Variants in PLG observed in about 807,000 individuals in gnomAD.
The protein encoded by PLG is plasmin.
PLG carries 41 observed loss-of-function variants against 104.4 expected under a neutral mutation model. The observed-to-expected ratio is 0.39, with a 90% CI of 0.31 to 0.51. The LOEUF (loss-of-function observed/expected upper bound fraction) is 0.51. Ranked by LOEUF, PLG falls within the 20% of genes least tolerant of loss-of-function variation. The pLI is 0.76. For missense variants in PLG, 891 were observed against 1,003.6 expected (o/e 0.89, Z 1.52); for synonymous variants, 337 against 357.1 (o/e 0.94, Z 0.63).
chr6:160,727,014 T>G (rs1582942100), intron 10 of PLG, among the ~76,000 whole-genome samples: 1 of 151,958 alleles, frequency 6.6e-6, no homozygotes, highest in South Asian at 2.1e-4. Context: ...GAAAGATTCA[T>G]GTAATTGATA....
intron 12 of PLG, among the ~76,000 whole-genome samples, chr6:160,733,263 A>G (rs1463940549): frequency 1.3e-5 from 2 of 152,196 alleles, no homozygotes; most frequent in Non-Finnish European, 2.9e-5. Context: ...ATGGAAATAA[A>G]TGTTTCTGAA....
chr6:160,724,921 G>A lies in PLG; in HGVS notation c.1256+2354G>A, dbSNP rs771965105. On this transcript the variant is annotated intron_variant, in intron 10 of 18. Transcript: ENST00000308192. This position sits in a 1 kb window ranked among gnomAD's most constrained non-coding sequence, Gnocchi z 5.0. ...TAAGTAATGAAGAACCCTGGAAATG[G>A]CAAATGTAAAAGATTCATATTTAAT... is the stretch of plus-strand genomic sequence containing the variant. Among the ~76,000 whole-genome samples the A allele has an allele frequency of 6.6e-6, 1 of 152,266 alleles. No homozygotes were observed. The highest frequency in any genetic ancestry group is 2.1e-4 in the South Asian group (1 of 4,822).
At chr6:160,718,582 T>A in intron 8 of PLG, 111 bp from the exon 9 acceptor site, 1 of 1,373,130 alleles carries the variant, frequency 7.3e-7, no homozygotes, top group Non-Finnish European at 1.0e-6. Flanking sequence ...TAGTCATAAG[T>A]AAAGGAAATG....
At chr6:160,706,000 T>A (rs1777514325) in intron 1 of PLG, 1 of 218,608 alleles carries the variant, frequency 4.6e-6, no homozygotes, top group Non-Finnish European at 9.2e-6. Context: ...CTAATGAAAC[T>A]GTTTTTCTTT....
At position 160,740,127 on chromosome 6, in the gene PLG, G is replaced by A. The variant is rs1022543496; in HGVS notation, c.2018+919G>A. 6.6e-6 allele frequency among the ~76,000 whole-genome samples: 1 copy of A among 152,178 alleles called. No individual in the cohort carries two copies. On this transcript the variant is annotated intron_variant, in intron 16 of 18. Transcript: ENST00000308192. This position sits in a 1 kb window ranked among gnomAD's most constrained non-coding sequence, Gnocchi z 5.2. ...GAGCATGGCCTGGATGAGAAGGCAC[G>A]GGGCAGGAGCCTGAGCTGCTCTCCT...
rs899923797 is a variant in PLG, at chr6:160,741,082, T to C, written c.2019-229T>C. Reference sequence around the variant, plus strand: ...TCAAAGGTGAAGGCCACCAGCAGTATCTTGCATGCAACTGATGCCTTTCAA... The same window carrying C: ...TCAAAGGTGAAGGCCACCAGCAGTACCTTGCATGCAACTGATGCCTTTCAA... On this transcript the variant is annotated intron_variant, in intron 16 of 18. Transcript: ENST00000308192. This position sits in a 1 kb window ranked among gnomAD's most constrained non-coding sequence, Gnocchi z 4.7. Among the ~76,000 whole-genome samples, 2 of 152,214 alleles carry C rather than the reference T, an allele frequency of 1.3e-5. No homozygotes were observed. The highest frequency in any genetic ancestry group is 2.9e-5 in the Non-Finnish European group (2 of 68,030).
intron 10 of PLG, among the ~76,000 whole-genome samples, chr6:160,729,444 C>T (rs1777964973): frequency 6.6e-6 from 1 of 152,156 alleles, no homozygotes; most frequent in Admixed American, 6.5e-5. Context: ...TTCACAGCAG[C>T]TCTAGTTATT....
intron 10 of PLG, among the ~76,000 whole-genome samples, chr6:160,728,255 G>T (rs1351958000): frequency 2.5e-4 from 2 of 7,906 alleles, no homozygotes; most frequent in Admixed American, 1.8e-3. Flanking sequence ...ATATGCACAA[G>T]AATTATGTAC....
rs377537611 is a variant in PLG, at chr6:160,714,904, A to T, written c.658A>T (p.Ile220Phe). 6.2e-7 allele frequency: 1 copy of T among 1,613,848 alleles called. No homozygotes were observed. The highest frequency in any genetic ancestry group is 8.5e-7 in the Non-Finnish European group (1 of 1,179,800). Residue 220 changes from isoleucine (I) to phenylalanine (F), a missense_variant, in exon 6 of 19, where the codon ATT becomes TTT. By Grantham distance (21) the Ile-to-Phe change is conservative. Around this residue, in one of 2 missense-constraint regions of PLG, gnomAD observed 854 missense variants for 932.1 expected, o/e 0.92. Coordinates refer to ENST00000308192, the MANE Select transcript of PLG (RefSeq NM_000301.5). ...DSQSPHAHGY[I>F]PSKFPNKNLK... The stretch of plus-strand genomic sequence containing the variant: ...TCAGAGCCCACACGCTCATGGATAC[A>T]TTCCTTCCAAGTAAGTCTCACTGGG...
intron 17 of PLG, among the ~76,000 whole-genome samples, chr6:160,748,064 T>A (rs147661635): frequency 0.03 from 4,485 of 152,004 alleles, 256 homozygotes; most frequent in African/African-American, 0.1. Context: ...CCCAGCACTT[T>A]GGGAGGCCGA....
chr6:160,741,636 G>C lies in PLG; in HGVS notation c.2125+219G>C, dbSNP rs1004840488. ...TCTTTGAGTCTCTCTCTCTCTCTCT[G>C]TTTTCAGAACATTTTTATTTCAATT... On this transcript the variant is annotated intron_variant, in intron 17 of 18. Coordinates refer to ENST00000308192, the MANE Select transcript of PLG (RefSeq NM_000301.5). The surrounding 1 kb of genome is among the most constrained non-coding windows in gnomAD (Gnocchi z 4.7). Among the ~76,000 whole-genome samples the C allele has an allele frequency of 1.3e-5, 2 of 151,892 alleles. No individual in the cohort carries two copies. Among genetic ancestry groups the C allele is most frequent in the African/African-American group, 4.8e-5 (2 of 41,288 alleles).
intron 6 of PLG, 46 bp downstream of exon 6, chr6:160,714,960 C>A: frequency 6.3e-7 from 1 of 1,575,420 alleles, no homozygotes; most frequent in Non-Finnish European, 8.7e-7. Context: ...TAAGGCTCTG[C>A]AGCTCTATCA....
At chr6:160,745,788 G>A (rs562374149) in intron 17 of PLG, among the ~76,000 whole-genome samples, 12 of 152,308 alleles carry the variant, frequency 7.9e-5, no homozygotes, top group Admixed American at 4.6e-4. Context: ...TCTTGCTATA[G>A]TTAGTGCTTC....
chr6:160,748,378 A>AGAGAG (rs1562383356), intron 17 of PLG, among the ~76,000 whole-genome samples: 55 of 41,786 alleles, frequency 1.3e-3, no homozygotes, highest in South Asian at 6.7e-3. Context: ...GAAAGAAAGA[A>AGAGAG]AGAAAGAAAG....
chr6:160,724,471 T>C lies in PLG; in HGVS notation c.1256+1904T>C, dbSNP rs142858033. Among the ~76,000 whole-genome samples, 898 of 151,904 alleles carry C rather than the reference T, an allele frequency of 5.9e-3. 15 individuals are homozygous for C. Among genetic ancestry groups the C allele is most frequent in the Middle Eastern group, 0.044 (13 of 294 alleles). On this transcript the variant is annotated intron_variant, in intron 10 of 18. Coordinates refer to ENST00000308192, the MANE Select transcript of PLG (RefSeq NM_000301.5). The surrounding 1 kb of genome is among the most constrained non-coding windows in gnomAD (Gnocchi z 5.0). ...AGAAACAGAGCCTCAAGAATATCTA[T>C]GAAAATATCAAAAGATTTCATATAT...
chr6:160,750,352 T>G (rs1373889524), intron 17 of PLG, among the ~76,000 whole-genome samples: 2 of 152,214 alleles, frequency 1.3e-5, no homozygotes, highest in Non-Finnish European at 2.9e-5. Context: ...AGGTGCCATC[T>G]CTACATCTAC....
intron 17 of PLG, among the ~76,000 whole-genome samples, chr6:160,747,132 CA>C (rs1405335602): frequency 6.6e-6 from 1 of 152,142 alleles, no homozygotes; most frequent in Non-Finnish European, 1.5e-5. Flanking sequence ...GTCTTCTTCC[CA>C]AATACCCACA....
chr6:160,717,750 G>T (rs1235792405), intron 7 of PLG, among the ~76,000 whole-genome samples: 2 of 152,166 alleles, frequency 1.3e-5, no homozygotes, highest in African/African-American at 4.8e-5. Flanking sequence ...AACATAGAAA[G>T]AAGCACCTAC....
At position 160,741,951 on chromosome 6, in the gene PLG, C is replaced by T. The variant is rs1322659175; in HGVS notation, c.2125+534C>T. On this transcript the variant is annotated intron_variant, in intron 17 of 18. Coordinates refer to ENST00000308192, the MANE Select transcript of PLG (RefSeq NM_000301.5). The surrounding 1 kb of genome is among the most constrained non-coding windows in gnomAD (Gnocchi z 4.7). ...TCCTGTGTTAGTTTTCTAAGAATAA[C>T]GGCCTCCAGCTCCATTCATGTTCCT... is the stretch of plus-strand genomic sequence containing the variant. Among the ~76,000 whole-genome samples the T allele has an allele frequency of 6.6e-6, 1 of 152,114 alleles. No individual in the cohort carries two copies. The highest frequency in any genetic ancestry group is 2.4e-5 in the African/African-American group (1 of 41,434).
Sources: gnomAD v4.1 joint callset for allele counts (sites outside exome capture counted in the v4.1 genomes callset) on GRCh38, gnomAD v4.1.1 for gene constraint, gnomAD v4.1.1 regional missense constraint, Gnocchi (gnomAD v3.1) non-coding constraint, MANE v1.5 for transcripts, NCBI Gene and HGNC (gene_info 2026-07-23, HGNC 2026-07-21) for gene names.